Variants in CDK19 observed in about 807,000 individuals in gnomAD.
CDK19 encodes cyclin dependent kinase 19, also known as cyclin-dependent kinase 19.
In CDK19, 20 loss-of-function variants were observed where a neutral mutation model predicts 68.3. The observed-to-expected ratio is 0.29, with a 90% confidence interval of 0.21 to 0.43. The LOEUF (loss-of-function observed/expected upper bound fraction) is 0.43, where lower values mean the gene tolerates loss of function less well. CDK19 is among the 20% of genes least tolerant of loss of function. CDK19 has a pLI of 1.00. For synonymous variants in CDK19, 221 were observed against 222.8 expected (o/e 0.99, Z 0.07); for missense variants, 339 against 623.5 (o/e 0.54, Z 4.86).
chr6:110,729,622 T>TTA (rs1554213575), intron 2 of CDK19, among the ~76,000 whole-genome samples: 5 of 147,970 alleles, frequency 3.4e-5, no homozygotes, highest in Non-Finnish European at 7.4e-5. Flanking sequence ...TTTTTTTTTT[T>TTA]AGTAGAGATG....
chr6:110,804,610 T>C (rs111631732), intron 1 of CDK19, among the ~76,000 whole-genome samples: 9,117 of 148,264 alleles, frequency 0.061, 323 homozygotes, highest in African/African-American at 0.1. Flanking sequence ...CCTCCCAAAG[T>C]GCTGGGATAA....
At chr6:110,780,379 A>G (rs1164239927) in intron 1 of CDK19, among the ~76,000 whole-genome samples, 1 of 133,198 alleles carries the variant, frequency 7.5e-6, no homozygotes, top group Non-Finnish European at 1.6e-5. Flanking sequence ...ACAGAGTGAC[A>G]CTCTGTCTCA....
chr6:110,659,296 T>C (rs2114341252), intron 4 of CDK19, among the ~76,000 whole-genome samples: 1 of 152,356 alleles, frequency 6.6e-6, no homozygotes, highest in Non-Finnish European at 1.5e-5. Flanking sequence ...TTCAGAAAGA[T>C]GAACAGTACA....
At chr6:110,712,473 G>T (rs1482584100) in intron 2 of CDK19, among the ~76,000 whole-genome samples, 2 of 152,122 alleles carry the variant, frequency 1.3e-5, no homozygotes, top group African/African-American at 4.8e-5. Context: ...TTTAGAAAAA[G>T]CAGACTTCTA....
Position 110,621,504 on chromosome 6 carries a change from G to A in CDK19, c.1111-134C>T, listed in dbSNP as rs1778715143. On this transcript the variant is annotated intron_variant, in intron 11 of 12. Coordinates refer to ENST00000368911, the MANE Select transcript of CDK19 (RefSeq NM_015076.5). The surrounding 1 kb of genome is among the most constrained non-coding windows in gnomAD (Gnocchi z 5.4). Reference sequence around the variant, plus strand: ...TGTGGGACACTAGAGTGATGGGGAGGACTGGAGAATGGAGCAGCCAGGGAA... The same window carrying A: ...TGTGGGACACTAGAGTGATGGGGAGAACTGGAGAATGGAGCAGCCAGGGAA... 3 of 859,146 alleles carry A rather than the reference G, an allele frequency of 3.5e-6. No individual in the cohort carries two copies. The highest frequency in any genetic ancestry group is 5.4e-6 in the Non-Finnish European group (3 of 558,990). The allele number at this position is 859,146 out of a possible 1,614,324, so 53.2% of individuals were successfully genotyped here. A position where few individuals can be genotyped will look rare whatever the true frequency, so the allele number is the denominator to read the frequency against.
chr6:110,687,464 G>A (rs1044190381), intron 2 of CDK19, among the ~76,000 whole-genome samples: 2 of 152,162 alleles, frequency 1.3e-5, no homozygotes, highest in Non-Finnish European at 2.9e-5. Context: ...AATTTTAACA[G>A]TAGTAATAAG....
At chr6:110,617,666 C>CAA (rs1437298414) in intron 12 of CDK19, among the ~76,000 whole-genome samples, 1 of 59,256 alleles carries the variant, frequency 1.7e-5, no homozygotes, top group Non-Finnish European at 3.4e-5. Flanking sequence ...TATATATACA[C>CAA]ACACACACAC....
intron 1 of CDK19, among the ~76,000 whole-genome samples, chr6:110,784,826 G>A (rs1664481847): frequency 6.6e-6 from 1 of 152,090 alleles, no homozygotes; most frequent in South Asian, 2.1e-4. Context: ...TACAATATGA[G>A]TGAACTTTGA....
chr6:110,709,747 T>A (rs1320395523), intron 2 of CDK19, among the ~76,000 whole-genome samples: 1 of 152,064 alleles, frequency 6.6e-6, no homozygotes, highest in East Asian at 1.9e-4. Context: ...AAAATAGAAA[T>A]TCTAATGTAA....
At chr6:110,639,024 G>A (rs1167750591) in intron 4 of CDK19, among the ~76,000 whole-genome samples, 1 of 152,104 alleles carries the variant, frequency 6.6e-6, no homozygotes, top group African/African-American at 2.4e-5. Flanking sequence ...AACCTGCACA[G>A]TTTATGTGCT....
chr6:110,682,709 C>CA (rs1269196491), intron 2 of CDK19, among the ~76,000 whole-genome samples: 7 of 152,072 alleles, frequency 4.6e-5, no homozygotes, highest in African/African-American at 1.4e-4. Context: ...AAGTAAAATG[C>CA]AAAAAATATA....
chr6:110,661,518 C>G (rs1781618256), intron 4 of CDK19, among the ~76,000 whole-genome samples: 1 of 152,100 alleles, frequency 6.6e-6, no homozygotes, highest in African/African-American at 2.4e-5. Flanking sequence ...CAGATACAAA[C>G]AGCGCACTAC....
intron 4 of CDK19, among the ~76,000 whole-genome samples, chr6:110,641,465 C>T (rs1780160826): frequency 6.6e-6 from 1 of 151,624 alleles, no homozygotes; most frequent in African/African-American, 2.4e-5. Flanking sequence ...GGCATGGTGG[C>T]AGGCACCTGT....
chr6:110,760,396 CAAA>C (rs34613571), intron 1 of CDK19, among the ~76,000 whole-genome samples: 3 of 39,776 alleles, frequency 7.5e-5, no homozygotes, highest in African/African-American at 1.0e-4. Context: ...GGCTTTGTCT[CAAA>C]AAAAAAAAAA....
intron 2 of CDK19, among the ~76,000 whole-genome samples, chr6:110,744,300 T>C (rs531144335): frequency 1.3e-5 from 2 of 151,844 alleles, no homozygotes; most frequent in South Asian, 2.1e-4. Flanking sequence ...TGAGCCACCA[T>C]GCCCAGCCAC....
intron 1 of CDK19, among the ~76,000 whole-genome samples, chr6:110,784,256 C>A (rs937756580): frequency 6.7e-6 from 1 of 149,498 alleles, no homozygotes; most frequent in African/African-American, 2.5e-5. Context: ...CATAAGAGCA[C>A]AATGTTAAGA....
Position 110,661,605 on chromosome 6 carries a change from C to T in CDK19, c.456+5829G>A, listed in dbSNP as rs180678344. ...GCTGGGACTACAGGTATGTGCCACCCTACCCAGTTTGCATCATTTCCTTTA... is the reference window on the plus strand; with the variant it reads ...GCTGGGACTACAGGTATGTGCCACCTTACCCAGTTTGCATCATTTCCTTTA... On this transcript the variant is annotated intron_variant, in intron 4 of 12. Transcript: ENST00000368911. Among the ~76,000 whole-genome samples the T allele has an allele frequency of 7.8e-4, 119 of 152,224 alleles. 1 individual carries two copies. Among genetic ancestry groups the T allele is most frequent in the African/African-American group, 2.8e-3 (118 of 41,532 alleles).
intron 1 of CDK19, among the ~76,000 whole-genome samples, chr6:110,769,572 A>T (rs917779041): frequency 1.4e-5 from 2 of 144,528 alleles, no homozygotes; most frequent in East Asian, 9.0e-4. Context: ...CTCAAAAAAA[A>T]AAAAAAATAA....
At chr6:110,785,646 G>A (rs186604971) in intron 1 of CDK19, among the ~76,000 whole-genome samples, 10 of 152,202 alleles carry the variant, frequency 6.6e-5, no homozygotes, top group Admixed American at 2.0e-4. Flanking sequence ...GAGGTAGAAG[G>A]GGAGACAGAA....
Sources: allele counts gnomAD v4.1 joint callset (sites outside exome capture counted in the v4.1 genomes callset), GRCh38; gene constraint gnomAD v4.1.1; non-coding constraint Gnocchi (gnomAD v3.1); transcripts MANE v1.5; gene names NCBI Gene and HGNC (gene_info 2026-07-23, HGNC 2026-07-21).